The following LINGO2 variants were observed in gnomAD, a reference collection of about 807,000 sequenced individuals.
The protein encoded by LINGO2 is leucine-rich repeat and immunoglobulin-like domain-containing nogo receptor-interacting protein 2.
In LINGO2, 14 loss-of-function variants were observed where a neutral mutation model predicts 30.6. That is an observed-to-expected ratio of 0.46 (90% confidence interval 0.30 to 0.72). The LOEUF is 0.72. Among genes scored for constraint, LINGO2 ranks in the 30% least tolerant of loss-of-function variants. The pLI is 0.07. For synonymous variants in LINGO2, 317 were observed against 288.5 expected (o/e 1.10, Z -1.00); for missense variants, 729 against 751.7 (o/e 0.97, Z 0.35).
chr9:28,743,853 T>C, the LINGO2 span, among the ~76,000 whole-genome samples: 2 of 151,818 alleles, frequency 1.3e-5, no homozygotes, highest in African/African-American at 2.4e-5. Flanking sequence ...TAGAATAAGA[T>C]TTTTCATCAA....
At chr9:28,077,106 C>T (rs1825646734) in intron 4 of LINGO2, among the ~76,000 whole-genome samples, 1 of 152,020 alleles carries the variant, frequency 6.6e-6, no homozygotes, top group Admixed American at 6.6e-5. Flanking sequence ...CAGTAAGTGA[C>T]TCTAAAACAA....
the LINGO2 span, among the ~76,000 whole-genome samples, chr9:28,725,164 A>G: frequency 1.8e-4 from 27 of 152,244 alleles, no homozygotes; most frequent in African/African-American, 6.3e-4. Flanking sequence ...AAAGGCCAAT[A>G]TGAACTCAAT....
chr9:29,199,010 A>G, the LINGO2 span, among the ~76,000 whole-genome samples: 1 of 152,124 alleles, frequency 6.6e-6, no homozygotes, highest in African/African-American at 2.4e-5. Context: ...AAAATCCCTT[A>G]ATTTTAATGG....
At chr9:28,024,457 G>A (rs1053875105) in intron 4 of LINGO2, among the ~76,000 whole-genome samples, 1 of 152,078 alleles carries the variant, frequency 6.6e-6, no homozygotes. Flanking sequence ...TCAGTTTGTG[G>A]GGAACATTCA....
the LINGO2 span, among the ~76,000 whole-genome samples, chr9:28,961,807 A>G: frequency 4.6e-5 from 7 of 152,278 alleles, no homozygotes; most frequent in East Asian, 1.2e-3. Context: ...TTCCTGATCA[A>G]GTTCTCTCCC....
chr9:28,342,898 G>T (rs570471024), intron 3 of LINGO2, among the ~76,000 whole-genome samples: 3 of 151,944 alleles, frequency 2.0e-5, no homozygotes, highest in African/African-American at 2.4e-5. Flanking sequence ...AATTGGTCTC[G>T]CTGTTCCTGG....
At chr9:27,978,418 T>C (rs1374847237) in intron 5 of LINGO2, among the ~76,000 whole-genome samples, 1 of 152,052 alleles carries the variant, frequency 6.6e-6, no homozygotes, top group Non-Finnish European at 1.5e-5. Flanking sequence ...CATTTGGAGA[T>C]AGAACCTTCG....
chr9:28,312,731 T>C (rs1824680264), intron 3 of LINGO2, among the ~76,000 whole-genome samples: 1 of 152,180 alleles, frequency 6.6e-6, no homozygotes, highest in Non-Finnish European at 1.5e-5. Context: ...TATTAGCATA[T>C]GCCAACATGA....
intron 1 of LINGO2, among the ~76,000 whole-genome samples, chr9:28,656,517 C>T (rs1373985918): frequency 6.6e-6 from 1 of 151,924 alleles, no homozygotes; most frequent in Non-Finnish European, 1.5e-5. Context: ...TGAATCTAAT[C>T]ATAAGGAAAC....
chr9:29,055,641 T>G, the LINGO2 span, among the ~76,000 whole-genome samples: 2,677 of 152,190 alleles, frequency 0.018, 86 homozygotes, highest in African/African-American at 0.062. Context: ...GAGGCAATTT[T>G]TGAGATTTTG....
At chr9:28,570,809 A>G (rs578240034) in intron 1 of LINGO2, among the ~76,000 whole-genome samples, 1 of 152,074 alleles carries the variant, frequency 6.6e-6, no homozygotes, top group Admixed American at 6.6e-5. Flanking sequence ...ATAAATCCAG[A>G]CTTTCTTCTC....
At chr9:29,047,163 A>C in the LINGO2 span, among the ~76,000 whole-genome samples, 2 of 152,144 alleles carry the variant, frequency 1.3e-5, no homozygotes, top group African/African-American at 4.8e-5. Flanking sequence ...TGCATCCAAC[A>C]AAGGTCTAAT....
chr9:27,994,962 G>A (rs1187381790), intron 5 of LINGO2, among the ~76,000 whole-genome samples: 1 of 151,878 alleles, frequency 6.6e-6, no homozygotes, highest in Non-Finnish European at 1.5e-5. Context: ...AATTCTTTTT[G>A]GCTAAATTAG....
intron 5 of LINGO2, among the ~76,000 whole-genome samples, chr9:27,969,794 C>T (rs185267880): frequency 6.6e-6 from 1 of 152,122 alleles, no homozygotes; most frequent in Admixed American, 6.6e-5. Context: ...GCAATTGAGT[C>T]TCAGGAGATC....
intron 1 of LINGO2, among the ~76,000 whole-genome samples, chr9:28,573,074 A>T (rs556154690): frequency 2.6e-5 from 4 of 152,302 alleles, no homozygotes; most frequent in South Asian, 2.1e-4. Context: ...AAATATTTGC[A>T]GAAATTTATT....
At chr9:29,169,871 G>A in the LINGO2 span, among the ~76,000 whole-genome samples, 7 of 152,188 alleles carry the variant, frequency 4.6e-5, no homozygotes, top group Admixed American at 6.5e-5. Flanking sequence ...GGTGGCACGC[G>A]CCTGTAGTCT....
the LINGO2 span, among the ~76,000 whole-genome samples, chr9:29,049,271 T>C: frequency 2.0e-5 from 3 of 152,198 alleles, no homozygotes; most frequent in Admixed American, 6.5e-5. Context: ...TGAGATATTA[T>C]ATCATCCCAG....
the LINGO2 span, among the ~76,000 whole-genome samples, chr9:29,092,415 G>T: frequency 6.6e-6 from 1 of 152,024 alleles, no homozygotes; most frequent in South Asian, 2.1e-4. Flanking sequence ...AAAGGTTGTA[G>T]ACATAAACCA....
chr9:28,856,551 G>T, the LINGO2 span, among the ~76,000 whole-genome samples: 14 of 152,126 alleles, frequency 9.2e-5, no homozygotes, highest in Non-Finnish European at 2.1e-4. Flanking sequence ...AAACAAGTGA[G>T]AAAGGAGAGT....
Sources: allele counts gnomAD v4.1 joint callset (sites outside exome capture counted in the v4.1 genomes callset), GRCh38; gene constraint gnomAD v4.1.1; transcripts MANE v1.5; gene names NCBI Gene and HGNC (gene_info 2026-07-23, HGNC 2026-07-21).